Variants in CHRDL1 observed in about 807,000 individuals in gnomAD.
The protein encoded by CHRDL1 is chordin-like protein 1.
CHRDL1 carries 19 observed loss-of-function variants against 40.9 expected under a neutral mutation model. The observed-to-expected ratio is 0.46, with a 90% CI of 0.32 to 0.68. CHRDL1 has a LOEUF of 0.68. Among genes scored for constraint, CHRDL1 ranks in the 30% least tolerant of loss-of-function variants. The pLI, the probability that CHRDL1 is intolerant of heterozygous loss-of-function variation, is 0.03. For synonymous variants in CHRDL1, 136 were observed against 123.4 expected (o/e 1.10, Z -0.68); for missense variants, 329 against 352.1 (o/e 0.93, Z 0.53).
chrX:110,774,381 A>G (rs979848196), intron 2 of CHRDL1, among the ~76,000 whole-genome samples: 4 of 111,877 alleles, frequency 3.6e-5, no homozygotes, highest in African/African-American at 9.7e-5. Context: ...ATGCATTACA[A>G]TAAGTGAAAT....
chrX:110,689,825 CTATA>C (rs1352807170), intron 8 of CHRDL1, among the ~76,000 whole-genome samples: 1 of 50,293 alleles, frequency 2.0e-5, no homozygotes, highest in Non-Finnish European at 3.0e-5. Context: ...ATCTATATAT[CTATA>C]TATCTATATA....
At position 110,689,604 on chromosome X, in the gene CHRDL1, A is replaced by C. The variant is rs28785895; in HGVS notation, c.779-801T>G. On this transcript the variant is annotated intron_variant, in intron 8 of 11. Transcript: ENST00000372042. ...TCTATATATCTATATATCTATATAT[A>C]TCTATATATCTATATATCTATATAT... Among the ~76,000 whole-genome samples the C allele has an allele frequency of 9.4e-4, 10 of 10,585 alleles. 1 individual carries two copies. The highest frequency in any genetic ancestry group is 6.5e-3 in the African/African-American group (3 of 463). The allele number at this position is 10,585 out of a possible 115,157, so 9.2% of individuals were successfully genotyped here.
At chrX:110,735,932 A>C (rs1397200863) in intron 4 of CHRDL1, among the ~76,000 whole-genome samples, 1 of 112,739 alleles carries the variant, frequency 8.9e-6, no homozygotes, top group Non-Finnish European at 1.9e-5. Context: ...ATAAAGGAAG[A>C]AAAGAGGCAT....
chrX:110,707,848 T>C (rs1348855601), intron 6 of CHRDL1, among the ~76,000 whole-genome samples: 2 of 111,042 alleles, frequency 1.8e-5, no homozygotes, highest in African/African-American at 3.3e-5. Flanking sequence ...ATCATCAGAG[T>C]GCACAGGCAA....
In CHRDL1 at chrX:110,792,226, G is replaced by A. The variant is rs1404757735; in HGVS notation, c.-34-11C>T. The A allele has an allele frequency of 2.5e-6, 2 of 809,823 alleles. No homozygotes were observed. The highest frequency in any genetic ancestry group is 5.4e-5 in the Admixed American group (2 of 37,373). The allele number at this position is 809,823 out of a possible 1,213,427, so 66.7% of individuals were successfully genotyped here. The stretch of plus-strand genomic sequence containing the variant: ...GACAGAACCTTCAAGCTGTTGGGAA[G>A]AAAGCAGAAAAAAGACTTAACACAG... On this transcript the variant is annotated splice_polypyrimidine_tract_variant and intron_variant, in intron 1 of 11. Transcript: ENST00000372042.
At chrX:110,695,094 T>C (rs2070359899) in intron 7 of CHRDL1, among the ~76,000 whole-genome samples, 1 of 110,703 alleles carries the variant, frequency 9.0e-6, no homozygotes, top group African/African-American at 3.3e-5. Context: ...ATCCTGATCA[T>C]GCATAGGGTG....
Position 110,792,222 on chromosome X carries a change from G to C in CHRDL1, c.-34-7C>G, listed in dbSNP as rs766872270. The C allele has an allele frequency of 4.8e-6, 4 of 839,469 alleles. No individual in the cohort carries two copies. The highest frequency in any genetic ancestry group is 2.6e-5 in the Admixed American group (1 of 38,045). 69.2% of individuals were successfully genotyped at this position (839,469 alleles called of 1,213,427 possible). On this transcript the variant is annotated splice_region_variant and splice_polypyrimidine_tract_variant and intron_variant, in intron 1 of 11. Coordinates refer to ENST00000372042, the MANE Select transcript of CHRDL1 (RefSeq NM_001143981.2). ...AGGTGACAGAACCTTCAAGCTGTTG[G>C]GAAGAAAGCAGAAAAAAGACTTAAC...
chrX:110,763,653 G>A (rs2089607293), intron 2 of CHRDL1, among the ~76,000 whole-genome samples: 1 of 108,773 alleles, frequency 9.2e-6, no homozygotes, highest in South Asian at 4.0e-4. Context: ...TGGGCATTTG[G>A]GTTGGTTCTA....
At position 110,721,040 on chromosome X, in the gene CHRDL1, T is replaced by G. The variant is rs183885363; in HGVS notation, c.447+345A>C. On this transcript the variant is annotated intron_variant, in intron 5 of 11. Transcript: ENST00000372042. ...ATAGTCAAAGTGACTTTTCCACCCATAGCATTCCCAAAGCTTCAAATAATT... is the reference window on the plus strand; with the variant it reads ...ATAGTCAAAGTGACTTTTCCACCCAGAGCATTCCCAAAGCTTCAAATAATT... Among the ~76,000 whole-genome samples, 353 of 111,946 alleles carry G rather than the reference T, an allele frequency of 3.2e-3. 2 individuals carry two copies. Among genetic ancestry groups the G allele is most frequent in the Middle Eastern group, 0.014 (3 of 216 alleles).
intron 4 of CHRDL1, among the ~76,000 whole-genome samples, chrX:110,743,167 A>T (rs868027108): frequency 2.7e-5 from 3 of 112,970 alleles, no homozygotes; most frequent in Non-Finnish European, 5.6e-5. Context: ...GAATGTTTCC[A>T]TCATTGCAAA....
At chrX:110,687,945 G>GTA (rs2070060433) in intron 9 of CHRDL1, among the ~76,000 whole-genome samples, 1 of 111,587 alleles carries the variant, frequency 9.0e-6, no homozygotes, top group Non-Finnish European at 1.9e-5. Flanking sequence ...AAGTGACTTG[G>GTA]GTTATAGGCC....
intron 10 of CHRDL1, among the ~76,000 whole-genome samples, chrX:110,680,148 T>C (rs2069863406): frequency 9.0e-6 from 1 of 111,561 alleles, no homozygotes; most frequent in Non-Finnish European, 1.9e-5. Context: ...TAGACCTTGA[T>C]AACCCAGAAC....
intron 8 of CHRDL1, 61 bp downstream of exon 8, chrX:110,694,102 G>A (rs1047368802): frequency 6.4e-5 from 62 of 971,057 alleles, no homozygotes; most frequent in Non-Finnish European, 8.5e-5. Flanking sequence ...CTCCAGCCCT[G>A]CAAAGACCAG....
chrX:110,762,022 T>C (rs1315052549), intron 3 of CHRDL1, among the ~76,000 whole-genome samples: 2 of 112,145 alleles, frequency 1.8e-5, no homozygotes, highest in African/African-American at 6.5e-5. Flanking sequence ...GTCCTAATAT[T>C]CTCCCTAAAG....
chrX:110,746,944 A>G (rs771169156), intron 4 of CHRDL1, among the ~76,000 whole-genome samples: 1 of 111,896 alleles, frequency 8.9e-6, no homozygotes, highest in South Asian at 3.8e-4. Context: ...TCATTTTACA[A>G]GCTGAGAAAA....
intron 10 of CHRDL1, among the ~76,000 whole-genome samples, chrX:110,680,142 C>T (rs2069863287): frequency 9.0e-6 from 1 of 111,544 alleles, no homozygotes; most frequent in African/African-American, 3.3e-5. Flanking sequence ...CAAGCATAGA[C>T]CTTGATAACC....
chrX:110,771,757 C>T (rs1220777583), intron 2 of CHRDL1, among the ~76,000 whole-genome samples: 2 of 111,428 alleles, frequency 1.8e-5, no homozygotes, highest in Admixed American at 9.5e-5. Context: ...CCCCTAAGAT[C>T]AGGAATTATA....
chrX:110,714,964 G>A (rs770704708), intron 6 of CHRDL1, among the ~76,000 whole-genome samples: 1 of 111,673 alleles, frequency 9.0e-6, no homozygotes, highest in African/African-American at 3.3e-5. Flanking sequence ...AACTTCAAAG[G>A]AGTTTCAACC....
At chrX:110,717,467 C>T (rs2070864607) in intron 6 of CHRDL1, among the ~76,000 whole-genome samples, 1 of 111,443 alleles carries the variant, frequency 9.0e-6, no homozygotes, top group African/African-American at 3.3e-5. Flanking sequence ...ATTTGAGTGG[C>T]GACAGGGAGT....
Sources: allele counts gnomAD v4.1 joint callset (sites outside exome capture counted in the v4.1 genomes callset), GRCh38; gene constraint gnomAD v4.1.1; transcripts MANE v1.5; gene names NCBI Gene and HGNC (gene_info 2026-07-23, HGNC 2026-07-21).